Variants in MGAT4C observed in about 807,000 individuals in gnomAD.
The protein encoded by MGAT4C is alpha-1,3-mannosyl-glycoprotein 4-beta-N-acetylglucosaminyltransferase C.
In MGAT4C, 19 loss-of-function variants were observed where a neutral mutation model predicts 40.1. The ratio of observed to expected loss-of-function variants is 0.47; its 90% confidence interval spans 0.33 to 0.70. MGAT4C has a LOEUF of 0.70. Ranked by LOEUF, MGAT4C falls within the 30% of genes least tolerant of loss-of-function variation. The pLI is 0.02. For synonymous variants in MGAT4C, 181 were observed against 187.1 expected (o/e 0.97, Z 0.27); for missense variants, 491 against 563.2 (o/e 0.87, Z 1.30).
chr12:86,789,656 T>C (rs953046404), intron 1 of MGAT4C, among the ~76,000 whole-genome samples: 36 of 152,130 alleles, frequency 2.4e-4, no homozygotes, highest in Non-Finnish European at 3.4e-4. Flanking sequence ...AATTGAATGG[T>C]ACTCGTTCCT....
chr12:86,427,238 T>C (rs185322584), intron 3 of MGAT4C, among the ~76,000 whole-genome samples: 5 of 152,308 alleles, frequency 3.3e-5, no homozygotes, highest in East Asian at 3.9e-4. Flanking sequence ...TAAATGGACA[T>C]GTATTTCATA....
intron 2 of MGAT4C, among the ~76,000 whole-genome samples, chr12:86,596,474 A>T (rs1961541972): frequency 6.6e-6 from 1 of 152,208 alleles, no homozygotes; most frequent in African/African-American, 2.4e-5. Flanking sequence ...ATCCTCCAAA[A>T]AAGATGGGCT....
Position 86,469,166 on chromosome 12 carries a change from G to A in MGAT4C, c.-228-33901C>T, listed in dbSNP as rs191691515. ...ACCTGCTGTATTTAGTCATACTACT[G>A]TATATTTTTAAATATATTATATCAG... is the stretch of plus-strand genomic sequence containing the variant. On this transcript the variant is annotated intron_variant, in intron 2 of 7. Transcript: ENST00000548651. Among the ~76,000 whole-genome samples, 301 of 152,096 alleles carry A rather than the reference G, an allele frequency of 2.0e-3. 3 individuals are homozygous for A. The highest frequency in any genetic ancestry group is 6.8e-3 in the African/African-American group (283 of 41,498).
chr12:86,068,127 T>G (rs1445338963), intron 1 of MGAT4C: 1 of 152,220 alleles, frequency 6.6e-6, no homozygotes, highest in African/African-American at 2.4e-5. Flanking sequence ...TACTAAAGTT[T>G]CTCTGACCAA....
At chr12:86,724,536 G>T (rs1950790358) in intron 2 of MGAT4C, among the ~76,000 whole-genome samples, 1 of 152,096 alleles carries the variant, frequency 6.6e-6, no homozygotes, top group South Asian at 2.1e-4. Context: ...GGTTGATTAT[G>T]ATATTTTTTC....
At chr12:86,252,753 C>A (rs1952353935) in intron 1 of MGAT4C, among the ~76,000 whole-genome samples, 1 of 151,748 alleles carries the variant, frequency 6.6e-6, no homozygotes, top group African/African-American at 2.4e-5. Flanking sequence ...CTATAAAGAA[C>A]CTTGTCCAAA....
chr12:86,757,267 G>A (rs1951321888), intron 1 of MGAT4C, among the ~76,000 whole-genome samples: 1 of 152,026 alleles, frequency 6.6e-6, no homozygotes, highest in Non-Finnish European at 1.5e-5. Context: ...CCTAATGTAG[G>A]TGACAGGTTG....
chr12:86,330,265 T>A (rs1038625293), intron 4 of MGAT4C, among the ~76,000 whole-genome samples: 2 of 152,198 alleles, frequency 1.3e-5, no homozygotes, highest in Non-Finnish European at 2.9e-5. Flanking sequence ...TTTATTGCCA[T>A]TAGTACGTAT....
chr12:86,113,392 C>G (rs839144), intron 1 of MGAT4C, among the ~76,000 whole-genome samples: 2,708 of 151,772 alleles, frequency 0.018, 71 homozygotes, highest in African/African-American at 0.061. Flanking sequence ...CATAAACAAT[C>G]AAGAGCAAGT....
At chr12:86,825,989 C>T (rs1952798873) in intron 1 of MGAT4C, among the ~76,000 whole-genome samples, 1 of 151,312 alleles carries the variant, frequency 6.6e-6, no homozygotes, top group African/African-American at 2.4e-5. Flanking sequence ...TAAGAGCCTA[C>T]TTCAGATCAA....
intron 1 of MGAT4C, among the ~76,000 whole-genome samples, chr12:86,784,970 T>G (rs893521199): frequency 1.3e-5 from 2 of 151,974 alleles, no homozygotes; most frequent in African/African-American, 4.8e-5. Context: ...CTCTTGGGAT[T>G]AGACAGATTT....
rs3043125 is a variant in MGAT4C, at chr12:85,958,037, T to TTGTGTGTGTG, written c.*21242_*21251dup. The TTGTGTGTGTG allele has an allele frequency of 1.5e-5, 2 of 132,222 alleles. No individual in the cohort carries two copies. The highest frequency in any genetic ancestry group is 3.5e-5 in the Non-Finnish European group (2 of 57,178). The allele number at this position is 132,222 out of a possible 1,614,324, so 8.2% of individuals were successfully genotyped here. The stretch of plus-strand genomic sequence containing the variant: ...TTGTTTACAGTTTTTCTAAGTGTTT[T>TTGTGTGTGTG]TGTGTGTGTGTGTGTGTGTGTGTGT... On this transcript the variant is annotated 3_prime_UTR_variant, in exon 5 of 5. Coordinates refer to ENST00000611864, the MANE Select transcript of MGAT4C (RefSeq NM_001351288.2).
chr12:86,755,237 C>T (rs1470117628), intron 1 of MGAT4C, among the ~76,000 whole-genome samples: 1 of 152,158 alleles, frequency 6.6e-6, no homozygotes, highest in African/African-American at 2.4e-5. Flanking sequence ...ATCATTCCTG[C>T]ATGAGTTTTC....
chr12:86,239,441 C>G (rs890681499), intron 1 of MGAT4C, among the ~76,000 whole-genome samples: 1 of 151,996 alleles, frequency 6.6e-6, no homozygotes, highest in Non-Finnish European at 1.5e-5. Flanking sequence ...TCAGCTGACG[C>G]ATAAATGTGT....
intron 3 of MGAT4C, among the ~76,000 whole-genome samples, chr12:86,358,175 C>T (rs985026635): frequency 1.3e-5 from 2 of 152,148 alleles, no homozygotes; most frequent in African/African-American, 4.8e-5. Context: ...GGCCAATATA[C>T]AACATTCTTA....
In MGAT4C at chr12:86,606,207, C is replaced by T. The variant is rs567101051; in HGVS notation, c.-229+121002G>A. On this transcript the variant is annotated intron_variant, in intron 2 of 7. Coordinates refer to the MGAT4C transcript ENST00000548651. ...CATGGGGATTATGGGAATTACAATT[C>T]GTGATGAGATTTGGGTGGGGATGCA... is the stretch of plus-strand genomic sequence containing the variant. Among the ~76,000 whole-genome samples, 16 of 152,066 alleles carry T rather than the reference C, an allele frequency of 1.1e-4. 1 individual carries two copies. The highest frequency in any genetic ancestry group is 2.7e-4 in the African/African-American group (11 of 41,492).
chr12:86,671,883 C>G (rs1248886221), intron 2 of MGAT4C, among the ~76,000 whole-genome samples: 1 of 152,000 alleles, frequency 6.6e-6, no homozygotes, highest in Non-Finnish European at 1.5e-5. Context: ...CAGTATTGGA[C>G]AGATGATGTA....
chr12:85,964,682 G>C lies in MGAT4C; in HGVS notation c.*14607C>G, dbSNP rs1883266486. ...ACCATTATTTTTGCCAAATATTGTAGCTTAGTTTTAAGTTTTTCTCGGCTG... is the reference window on the plus strand; with the variant it reads ...ACCATTATTTTTGCCAAATATTGTACCTTAGTTTTAAGTTTTTCTCGGCTG... On this transcript the variant is annotated 3_prime_UTR_variant, in exon 5 of 5. Transcript: ENST00000611864. The C allele has an allele frequency of 6.6e-6, 1 of 152,110 alleles. No homozygotes were observed. The highest frequency in any genetic ancestry group is 2.1e-4 in the South Asian group (1 of 4,828). 9.4% of individuals were successfully genotyped at this position (152,110 alleles called of 1,614,324 possible). A position where few individuals can be genotyped will look rare whatever the true frequency, so the allele number is the denominator to read the frequency against.
chr12:86,721,554 A>G (rs1017371244), intron 2 of MGAT4C, among the ~76,000 whole-genome samples: 1 of 152,152 alleles, frequency 6.6e-6, no homozygotes, highest in Non-Finnish European at 1.5e-5. Context: ...ATCTTTGGCT[A>G]GCAAGTTTAG....
Sources: allele counts gnomAD v4.1 joint callset (sites outside exome capture counted in the v4.1 genomes callset), GRCh38; gene constraint gnomAD v4.1.1; transcripts MANE v1.5; gene names NCBI Gene and HGNC (gene_info 2026-07-23, HGNC 2026-07-21).